The following RHCE variants were observed in gnomAD, a reference collection of about 807,000 sequenced individuals.
RHCE encodes blood group Rh(CE) polypeptide.
A neutral mutation model predicts 43.8 loss-of-function variants in RHCE; 22 were observed. The ratio of observed to expected loss-of-function variants is 0.50; its 90% CI spans 0.36 to 0.72. The LOEUF is 0.72. Among genes scored for constraint, RHCE ranks in the 30% least tolerant of loss-of-function variants. RHCE has a pLI of 0.00. For missense variants in RHCE, 385 were observed against 525.4 expected (o/e 0.73, Z 2.61); for synonymous variants, 156 against 210.7 (o/e 0.74, Z 2.25).
At chr1:25,372,927 C>T (rs1182527502) in intron 8 of RHCE, among the ~76,000 whole-genome samples, 2 of 151,620 alleles carry the variant, frequency 1.3e-5, no homozygotes, top group Non-Finnish European at 2.9e-5. Flanking sequence ...ATCTCAGCCT[C>T]CGGAGCAGCT....
intron 1 of RHCE, among the ~76,000 whole-genome samples, chr1:25,416,304 C>T (rs1647427034): frequency 1.3e-5 from 2 of 151,934 alleles, no homozygotes; most frequent in East Asian, 1.9e-4. Context: ...CGCCCTGTTG[C>T]CCAGGCTGGA....
At chr1:25,429,230 T>TTG (rs1461746959) in intron 1 of RHCE, among the ~76,000 whole-genome samples, 1 of 146,490 alleles carries the variant, frequency 6.8e-6, no homozygotes, top group Non-Finnish European at 1.5e-5. Context: ...AGTTTTTTTT[T>TTG]TTTTTTTTTT....
chr1:25,411,170 G>C (rs747199433), intron 1 of RHCE, among the ~76,000 whole-genome samples: 1 of 151,648 alleles, frequency 6.6e-6, no homozygotes, highest in African/African-American at 2.4e-5. Context: ...GGTCTTCTAA[G>C]TTGCTTACTT....
intron 2 of RHCE, among the ~76,000 whole-genome samples, chr1:25,404,566 G>A (rs1038138618): frequency 1.3e-5 from 2 of 149,874 alleles, no homozygotes; most frequent in African/African-American, 4.9e-5. Context: ...TAACTCAGGA[G>A]CGTGTGTGCC....
chr1:25,379,495 ATTTTTTTTTTTT>A lies in RHCE; in HGVS notation c.1074-4079_1074-4068del, dbSNP rs770791604. 9.8e-3 allele frequency among the ~76,000 whole-genome samples: 264 copies of A among 26,964 alleles called. 5 individuals carry two copies. The highest frequency in any genetic ancestry group is 0.015 in the African/African-American group (83 of 5,486). 17.7% of individuals were successfully genotyped at this position (26,964 alleles called of 152,430 possible). On this transcript the variant is annotated intron_variant, in intron 7 of 9. Coordinates refer to ENST00000294413, the MANE Select transcript of RHCE (RefSeq NM_020485.8). ...TATATATATATATATATATATATATATTTTTTTTTTTTTTTTTTTTTTTTTTAAAGATGGGAT... is the reference window on the plus strand; with the variant it reads ...TATATATATATATATATATATATATATTTTTTTTTTTTTTAAAGATGGGAT...
intron 3 of RHCE, among the ~76,000 whole-genome samples, chr1:25,399,999 AT>A: frequency 6.6e-6 from 1 of 152,132 alleles, no homozygotes; most frequent in Admixed American, 6.5e-5. Context: ...ATGTTGTATA[AT>A]AATAATAATT....
At position 25,362,304 on chromosome 1, in the gene RHCE, AT is replaced by A; in HGVS notation, c.*222del. ...CTGTAACCAAGAAAATATTGATAGC[AT>A]CATCCTAATGAAACTAAACATTTAT... On this transcript the variant is annotated 3_prime_UTR_variant, in exon 10 of 10. Transcript: ENST00000294413. 1.0e-6 allele frequency: 1 copy of A among 992,498 alleles called. No homozygotes were observed. The highest frequency in any genetic ancestry group is 1.5e-6 in the Non-Finnish European group (1 of 676,304). 61.5% of individuals were successfully genotyped at this position (992,498 alleles called of 1,614,324 possible).
chr1:25,393,656 T>TAG (rs981575240), intron 3 of RHCE, among the ~76,000 whole-genome samples: 9 of 151,798 alleles, frequency 5.9e-5, no homozygotes, highest in African/African-American at 2.2e-4. Flanking sequence ...TCAGATCATG[T>TAG]TACTCCTCTG....
upstream of RHCE, among the ~76,000 whole-genome samples, chr1:25,424,139 C>T (rs1297993700): frequency 6.6e-6 from 1 of 152,168 alleles, no homozygotes; most frequent in Non-Finnish European, 1.5e-5. Context: ...GATGATTTTG[C>T]CCAACCGTAG....
intron 2 of RHCE, 106 bp from the exon 3 acceptor site, chr1:25,402,852 C>G (rs899510641): frequency 6.6e-6 from 10 of 1,512,524 alleles, no homozygotes; most frequent in South Asian, 1.1e-5. Context: ...ACCTTACTTT[C>G]TGTGGAAATA....
At chr1:25,382,315 C>T (rs1394337015) in intron 7 of RHCE, among the ~76,000 whole-genome samples, 14 of 149,324 alleles carry the variant, frequency 9.4e-5, no homozygotes, top group Non-Finnish European at 4.4e-5. Context: ...TGTTAGAAGT[C>T]AGGTTAGTGG....
intron 3 of RHCE, among the ~76,000 whole-genome samples, chr1:25,399,995 T>C (rs1646681092): frequency 6.6e-6 from 1 of 152,164 alleles, no homozygotes; most frequent in Non-Finnish European, 1.5e-5. Context: ...TAAAATGTTG[T>C]ATAATAATAA....
intron 1 of RHCE, chr1:25,411,475 G>C: frequency 1.3e-6 from 2 of 1,546,944 alleles, no homozygotes; most frequent in Non-Finnish European, 1.7e-6. Flanking sequence ...CACACACCCA[G>C]GGTCTGCCAG....
chr1:25,382,612 C>T (rs1480456010), intron 7 of RHCE, among the ~76,000 whole-genome samples: 1 of 151,844 alleles, frequency 6.6e-6, no homozygotes, highest in Non-Finnish European at 1.5e-5. Context: ...TCTCCCCTGG[C>T]CAGACCCTCA....
intron 2 of RHCE, among the ~76,000 whole-genome samples, chr1:25,405,511 G>T (rs191811774): frequency 1.3e-5 from 2 of 151,670 alleles, no homozygotes; most frequent in Admixed American, 1.3e-4. Flanking sequence ...AAATTAGCCG[G>T]GCATGGTAGC....
At chr1:25,428,981 T>C (rs566088389) in exon 2 of RHCE, 53 of 152,338 alleles carry the variant, frequency 3.5e-4, no homozygotes, top group African/African-American at 1.1e-3. Context: ...GGAGGGTGGG[T>C]CCCCACTGTG....
intron 7 of RHCE, among the ~76,000 whole-genome samples, chr1:25,379,483 ATATATATATATATTT>A (rs1283429284): frequency 1.5e-4 from 3 of 19,444 alleles, no homozygotes; most frequent in Non-Finnish European, 2.3e-4. Context: ...ATATATATAT[ATATATATATATATTT>A]TTTTTTTTTT....
intron 1 of RHCE, among the ~76,000 whole-genome samples, chr1:25,417,817 G>A (rs28433513): frequency 0.019 from 2,820 of 152,120 alleles, 91 homozygotes; most frequent in African/African-American, 0.065. Flanking sequence ...TGAAGCCCTC[G>A]GGTCAATACT....
chr1:25,385,966 A>C (rs1571860246), intron 6 of RHCE, 122 bp from the exon 7 acceptor site: 2 of 1,427,136 alleles, frequency 1.4e-6, no homozygotes, highest in Non-Finnish European at 2.0e-6. Context: ...GCTCACCTCA[A>C]AGAAGCCCTT....
Sources: allele counts gnomAD v4.1 joint callset (sites outside exome capture counted in the v4.1 genomes callset), GRCh38; gene constraint gnomAD v4.1.1; transcripts MANE v1.5; gene names NCBI Gene and HGNC (gene_info 2026-07-23, HGNC 2026-07-21).